Variants in TJP1 observed in about 807,000 individuals in gnomAD.
The protein encoded by TJP1 is tight junction protein ZO-1.
Under a neutral mutation model 194.2 loss-of-function variants are expected in TJP1, and 43 were observed. The observed-to-expected ratio is 0.22, with a 90% CI of 0.17 to 0.29. The LOEUF is 0.29. Among genes scored for constraint, TJP1 ranks in the 10% least tolerant of loss-of-function variants. The pLI, the probability that TJP1 is intolerant of heterozygous loss-of-function variation, is 1.00. For synonymous variants in TJP1, 801 were observed against 779.0 expected (o/e 1.03, Z -0.47); for missense variants, 1,971 against 2,185.7 (o/e 0.90, Z 1.96).
At chr15:29,954,383 A>ACAT (rs1567232299) in intron 2 of TJP1, among the ~76,000 whole-genome samples, 1 of 151,882 alleles carries the variant, frequency 6.6e-6, no homozygotes, top group Non-Finnish European at 1.5e-5. Context: ...AAAATTAATT[A>ACAT]GTTATATGAT....
chr15:29,705,090 CTA>C (rs2041810145), intron 26 of TJP1, among the ~76,000 whole-genome samples: 1 of 152,206 alleles, frequency 6.6e-6, no homozygotes. Flanking sequence ...TGAGCATGTA[CTA>C]GTGCTAGGTT....
chr15:29,798,123 C>A (rs1037457245), intron 2 of TJP1, among the ~76,000 whole-genome samples: 3 of 152,224 alleles, frequency 2.0e-5, no homozygotes, highest in East Asian at 3.9e-4. Flanking sequence ...CAGGCGCCTG[C>A]CACCACGTCC....
rs75665544 is a variant in TJP1 at position 29,943,188 on chromosome 15, T to C, written c.306+13044A>G. The stretch of plus-strand genomic sequence containing the variant: ...GAGAGAGCGGGTGGGCATCCTCTTT[T>C]GACATAAAAGATGATGGAGAAGGTC... On this transcript the variant is annotated intron_variant, in intron 2 of 28. Transcript: ENST00000356107. Among the ~76,000 whole-genome samples, 746 of 152,286 alleles carry C rather than the reference T, an allele frequency of 4.9e-3. 8 individuals are homozygous for C. Among genetic ancestry groups the C allele is most frequent in the African/African-American group, 0.017 (723 of 41,564 alleles).
chr15:29,819,005 A>G (rs1292225307), intron 1 of TJP1, among the ~76,000 whole-genome samples: 1 of 151,976 alleles, frequency 6.6e-6, no homozygotes, highest in Non-Finnish European at 1.5e-5. Context: ...TTTAGTAGAG[A>G]CGGGGTTTCA....
chr15:29,888,192 TTAAA>T (rs1197466353), intron 2 of TJP1, among the ~76,000 whole-genome samples: 1 of 152,050 alleles, frequency 6.6e-6, no homozygotes, highest in Non-Finnish European at 1.5e-5. Context: ...ATTTTATTTT[TTAAA>T]TATAGATTTA....
Position 29,767,686 on chromosome 15 carries a change from A to G in TJP1, c.313-1144T>C, listed in dbSNP as rs183042635. Among the ~76,000 whole-genome samples, 8 of 152,190 alleles carry G rather than the reference A, an allele frequency of 5.3e-5. No homozygotes were observed. The East Asian group carries it at 1.5e-3, about 29-fold the overall frequency. On this transcript the variant is annotated intron_variant, in intron 4 of 27. Transcript: ENST00000614355. ...AATTCGCTAATGTAGGTATTCTACA[A>G]CCATTCTTCAAGATCCCAGCCACTC...
At chr15:29,820,569 T>C (rs1430708672) in intron 1 of TJP1, 1 of 716,686 alleles carries the variant, frequency 1.4e-6, no homozygotes, top group African/African-American at 1.7e-5. Context: ...TCTCCATACT[T>C]GAAATAACCT....
chr15:29,872,940 C>T (rs980276518), intron 2 of TJP1, among the ~76,000 whole-genome samples: 1 of 152,324 alleles, frequency 6.6e-6, no homozygotes, highest in Middle Eastern at 3.4e-3. Flanking sequence ...GGGAATAGGG[C>T]CAGGTCCCTG....
chr15:29,916,020 G>A (rs1718978), intron 2 of TJP1, among the ~76,000 whole-genome samples: 14,584 of 151,972 alleles, frequency 0.096, 1,514 homozygotes, highest in African/African-American at 0.26. Flanking sequence ...CAAGGCGGGC[G>A]GATCACCTGA....
At chr15:29,921,489 A>G (rs1043074996) in intron 2 of TJP1, among the ~76,000 whole-genome samples, 5 of 152,184 alleles carry the variant, frequency 3.3e-5, no homozygotes, top group African/African-American at 1.2e-4. Flanking sequence ...GGCAGGAAAC[A>G]ACCTCACAGC....
rs752322243 is a variant in TJP1 at position 29,720,617 on chromosome 15, G to A, written c.2504C>T (p.Thr835Met). 143 of 1,613,928 alleles carry A rather than the reference G, an allele frequency of 8.9e-5. No homozygotes were observed. Among genetic ancestry groups the A allele is most frequent in the Middle Eastern group, 1.6e-4 (1 of 6,084 alleles). ...APGSEYSMYS[T>M]DSRHTSDYED... Reference sequence around the variant, plus strand: ...ATAGTCAGAAGTGTGTCTACTGTCCGTGCTATACATTGAGTATTCACTACC... The same window carrying A: ...ATAGTCAGAAGTGTGTCTACTGTCCATGCTATACATTGAGTATTCACTACC... Residue 835 changes from threonine to methionine, a missense_variant, in exon 19 of 28, where the codon ACG becomes ATG. By Grantham distance (81) the Thr-to-Met change is moderately conservative. Around this residue, in one of 5 missense-constraint regions of TJP1, gnomAD observed 402 missense variants for 484.2 expected, o/e 0.83. Transcript: ENST00000614355.
Position 29,860,699 on chromosome 15 carries a change from T to C in TJP1, c.307-59997A>G, listed in dbSNP as rs183286891. ...TTTCAGCTGATGAACAATTAGGCTG[T>C]TTCCATCTTTTGGTTATTAGGAAAT... On this transcript the variant is annotated intron_variant, in intron 2 of 28. Transcript: ENST00000356107. Among the ~76,000 whole-genome samples the C allele has an allele frequency of 4.6e-5, 7 of 152,314 alleles. No individual in the cohort carries two copies. In the South Asian group the frequency reaches 8.3e-4, roughly 18 times the overall value.
intron 1 of TJP1, among the ~76,000 whole-genome samples, chr15:29,809,863 A>G (rs2049369057): frequency 1.3e-5 from 2 of 152,076 alleles, no homozygotes; most frequent in African/African-American, 4.8e-5. Flanking sequence ...AAAAAAACCA[A>G]ACACTTAAGT....
At chr15:29,815,002 G>A (rs1292256978) in intron 1 of TJP1, among the ~76,000 whole-genome samples, 3 of 152,148 alleles carry the variant, frequency 2.0e-5, no homozygotes, top group African/African-American at 7.2e-5. Context: ...ATCTAAAGCT[G>A]TGTTCTTGTG....
intron 1 of TJP1, among the ~76,000 whole-genome samples, chr15:29,803,363 A>G (rs567819109): frequency 6.6e-6 from 1 of 152,174 alleles, no homozygotes; most frequent in African/African-American, 2.4e-5. Flanking sequence ...TCAAGAAATT[A>G]TATGAGATAT....
intron 2 of TJP1, among the ~76,000 whole-genome samples, chr15:29,949,717 C>G (rs1567226018): frequency 7.9e-6 from 1 of 127,182 alleles, no homozygotes; most frequent in Non-Finnish European, 1.7e-5. Context: ...CCTCCATCAC[C>G]TCCACCGCCA....
At chr15:29,950,958 T>G (rs2055727628) in intron 2 of TJP1, among the ~76,000 whole-genome samples, 1 of 151,996 alleles carries the variant, frequency 6.6e-6, no homozygotes, top group Non-Finnish European at 1.5e-5. Context: ...GAGGAGGAAA[T>G]AGCTAATGTA....
rs762705841 is a variant in TJP1, at chr15:29,719,013, G to C, written c.3129C>G (p.Leu1043=). The C allele has an allele frequency of 1.9e-6, 3 of 1,614,180 alleles. No individual in the cohort carries two copies. The highest frequency in any genetic ancestry group is 1.3e-5 in the African/African-American group (1 of 75,052). Residue 1043 remains leucine (L), a synonymous_variant, in exon 21 of 28, where the codon CTC becomes CTG. Transcript: ENST00000614355. ...KEPNLTYEPQ[L]PYVEKQASRD... is the part of the protein sequence containing the mutation. Reference sequence around the variant, plus strand: ...TGCTGGCTTGTTTCTCTACGTATGGGAGTTGGGGTTCATAGGTCAGATTAG... The same window carrying C: ...TGCTGGCTTGTTTCTCTACGTATGGCAGTTGGGGTTCATAGGTCAGATTAG...
chr15:29,889,810 CAA>C (rs2053243109), intron 2 of TJP1, among the ~76,000 whole-genome samples: 1 of 152,180 alleles, frequency 6.6e-6, no homozygotes, highest in South Asian at 2.1e-4. Context: ...ATTATTCAGT[CAA>C]AGTGGTTTTA....
Sources: allele counts gnomAD v4.1 joint callset (sites outside exome capture counted in the v4.1 genomes callset), GRCh38; gene constraint gnomAD v4.1.1; regional missense constraint gnomAD v4.1.1; transcripts MANE v1.5; gene names NCBI Gene and HGNC (gene_info 2026-07-23, HGNC 2026-07-21).